Variants in RMDN3 observed in about 807,000 individuals in gnomAD.
RMDN3 encodes the protein regulator of microtubule dynamics protein 3.
Under a neutral mutation model 61.8 loss-of-function variants are expected in RMDN3, and 41 were observed. The ratio of observed to expected loss-of-function variants is 0.66; its 90% CI spans 0.52 to 0.86. The LOEUF (loss-of-function observed/expected upper bound fraction) is 0.86. Among genes scored for constraint, RMDN3 ranks in the 40% least tolerant of loss-of-function variants. The pLI, the probability that RMDN3 is intolerant of heterozygous loss-of-function variation, is 0.00. For synonymous variants in RMDN3, 247 were observed against 232.0 expected, an observed-to-expected ratio of 1.06 and a Z score of -0.59; for missense variants, 557 against 585.3, an observed-to-expected ratio of 0.95 and a Z score of 0.50.
intron 1 of RMDN3, 118 bp downstream of exon 1, chr15:40,754,965 T>G (rs1897984740): frequency 1.7e-6 from 1 of 581,394 alleles, no homozygotes; most frequent in African/African-American, 1.9e-5. Context: ...CCCTAAGGCT[T>G]CCTCCAGCCT....
At chr15:40,742,592 C>T (rs541816855) in intron 6 of RMDN3, among the ~76,000 whole-genome samples, 1 of 152,294 alleles carries the variant, frequency 6.6e-6, no homozygotes, top group African/African-American at 2.4e-5. Flanking sequence ...AACTTTATAC[C>T]CAGTAAGGAT....
chr15:40,750,518 C>T (rs1414368661), intron 4 of RMDN3, among the ~76,000 whole-genome samples: 2 of 152,034 alleles, frequency 1.3e-5, no homozygotes, highest in Non-Finnish European at 1.5e-5. Context: ...GTCTTGCTGC[C>T]TTGTCCAGGA....
In RMDN3 at chr15:40,738,524, T is replaced by C; in HGVS notation, c.1024A>G (p.Ile342Val). ...ACCTTGAAGCTAAAGCCACTCTGGA[T>C]GCGCCTCTGGATGCTCTCATGCTCA... ...LAEHESIQRR[I>V]QSGFSFKEHV... Residue 342 changes from isoleucine to valine, a missense_variant, in exon 8 of 13, where the codon ATC (isoleucine) becomes GTC (valine). Coordinates refer to ENST00000338376, the MANE Select transcript of RMDN3 (RefSeq NM_018145.3). 6.2e-7 allele frequency: 1 copy of C among 1,614,128 alleles called. No homozygotes were observed.
intron 7 of RMDN3, chr15:40,738,920 A>C: frequency 3.8e-6 from 1 of 260,510 alleles, no homozygotes; most frequent in Non-Finnish European, 7.4e-6. Context: ...CATGAAAACA[A>C]TCAGCATAAA....
chr15:40,748,610 A>AT (rs1157570452), intron 4 of RMDN3, among the ~76,000 whole-genome samples: 1 of 152,016 alleles, frequency 6.6e-6, no homozygotes, highest in Admixed American at 6.6e-5. Context: ...GTACTTCTTT[A>AT]TTTTTTTGGG....
chr15:40,737,819 G>A (rs1213760965), intron 9 of RMDN3, 93 bp from the exon 10 acceptor site: 9 of 1,483,544 alleles, frequency 6.1e-6, no homozygotes, highest in Non-Finnish European at 8.4e-6. Context: ...GGTCAAACGG[G>A]GCTGGGTCGA....
intron 4 of RMDN3, 50 bp downstream of exon 4, chr15:40,751,376 A>G (rs1394116627): frequency 6.3e-7 from 1 of 1,588,894 alleles, no homozygotes; most frequent in Non-Finnish European, 8.6e-7. Flanking sequence ...ATACTTTTAC[A>G]AAACACAACC....
At chr15:40,743,790 CAT>C (rs1897374804) in intron 6 of RMDN3, among the ~76,000 whole-genome samples, 1 of 152,214 alleles carries the variant, frequency 6.6e-6, no homozygotes. Flanking sequence ...AAACGAATAA[CAT>C]TGATAGGATA....
In RMDN3 at chr15:40,744,115, G is replaced by A. The variant is rs201829056; in HGVS notation, c.842C>T (p.Ala281Val). 6.2e-7 allele frequency: 1 copy of A among 1,613,566 alleles called. No individual in the cohort carries two copies. The highest frequency in any genetic ancestry group is 2.2e-5 in the East Asian group (1 of 44,890). Reference protein sequence around the residue: ...GSRQDFLWRLARAYSDMCELT... With the variant: ...GSRQDFLWRLVRAYSDMCELT... Reference sequence around the variant, plus strand: ...CTCACACATGTCACTGTAGGCTCGGGCCAGGCGCCAGAGAAAGTCCTGCCG... The same window carrying A: ...CTCACACATGTCACTGTAGGCTCGGACCAGGCGCCAGAGAAAGTCCTGCCG... Residue 281 changes from alanine to valine, a missense_variant, in exon 6 of 13, where the codon GCC (alanine) becomes GTC (valine). Ala to Val is a moderately conservative substitution (Grantham distance 64). Coordinates refer to ENST00000338376, the MANE Select transcript of RMDN3 (RefSeq NM_018145.3).
chr15:40,737,616 C>T lies in RMDN3; in HGVS notation c.1224+12G>A, dbSNP rs1281825046. 1.2e-6 allele frequency: 2 copies of T among 1,607,430 alleles called. No individual in the cohort carries two copies. Among genetic ancestry groups the T allele is most frequent in the East Asian group, 2.2e-5 (1 of 44,864 alleles). On this transcript the variant is annotated intron_variant, in intron 10 of 12. Transcript: ENST00000338376. ...CCCTGGTGTTTTTGCCTGCCACCTG[C>T]CCCTCTCATACCTTTAGGAAGCTCT...
At chr15:40,746,339 C>T (rs997356499) in intron 4 of RMDN3, among the ~76,000 whole-genome samples, 2 of 151,892 alleles carry the variant, frequency 1.3e-5, no homozygotes, top group East Asian at 1.9e-4. Context: ...CACGGTGAAA[C>T]CCTGTCTCTA....
chr15:40,736,496 C>A lies in RMDN3; in HGVS notation c.*45G>T, dbSNP rs372357790. 38 of 1,585,226 alleles carry A rather than the reference C, an allele frequency of 2.4e-5. No homozygotes were observed. The highest frequency in any genetic ancestry group is 6.7e-5 in the African/African-American group (5 of 74,124). ...AAGGAAAAAAGCCTCCCCGCCCCCC[C>A]ACCTTAAATAGTGGCATCAAGTCAT... is the stretch of plus-strand genomic sequence containing the variant. On this transcript the variant is annotated 3_prime_UTR_variant, in exon 13 of 13. Transcript: ENST00000338376.
intron 7 of RMDN3, 166 bp from the exon 8 acceptor site, chr15:40,738,742 T>C (rs1238155046): frequency 1.6e-6 from 1 of 643,206 alleles, no homozygotes; most frequent in African/African-American, 1.8e-5. Context: ...TTTACGGACC[T>C]CTGGCCCCAA....
In RMDN3 at chr15:40,745,136, C is replaced by T; in HGVS notation, c.648G>A (p.Glu216=). The change falls in exon 5 of 13, where the codon GAG becomes GAA. Residue 216 remains glutamate (E), a synonymous_variant. Coordinates refer to ENST00000338376, the MANE Select transcript of RMDN3 (RefSeq NM_018145.3). ...KMGRKDSLDL[E]EEAASGASSA... is the part of the protein sequence containing the mutation. ...TGGAGGCACCTGAAGCTGCCTCTTC[C>T]TCCAAGTCAAGAGAATCCTTTCTCC... 1 of 1,614,182 alleles carries T rather than the reference C, an allele frequency of 6.2e-7. No individual in the cohort carries two copies. Among genetic ancestry groups the T allele is most frequent in the Non-Finnish European group, 8.5e-7 (1 of 1,180,036 alleles).
chr15:40,751,761 GGCAA>G (rs1360611218), intron 3 of RMDN3, 192 bp from the exon 4 acceptor site: 1 of 885,976 alleles, frequency 1.1e-6, no homozygotes, highest in African/African-American at 1.7e-5. Flanking sequence ...GACTAGGTTA[GGCAA>G]ACAGAGCGCT....
intron 3 of RMDN3, 85 bp from the exon 4 acceptor site, chr15:40,751,654 T>TG: frequency 1.3e-6 from 2 of 1,568,198 alleles, no homozygotes; most frequent in Non-Finnish European, 1.7e-6. Flanking sequence ...CTCTTACTAC[T>TG]GCTCCTCATT....
At chr15:40,737,782 A>G in intron 9 of RMDN3, 56 bp from the exon 10 acceptor site, 3 of 1,565,480 alleles carry the variant, frequency 1.9e-6, no homozygotes, top group South Asian at 1.1e-5. Context: ...TTTTTTCTTT[A>G]AATCTTTGGG....
chr15:40,743,202 G>T (rs1470327135), intron 6 of RMDN3, among the ~76,000 whole-genome samples: 6 of 152,122 alleles, frequency 3.9e-5, no homozygotes, highest in Admixed American at 3.9e-4. Flanking sequence ...GGGTGAATCA[G>T]TTGAGGCCAG....
At chr15:40,754,471 T>C in intron 2 of RMDN3, 126 bp downstream of exon 2, 1 of 994,412 alleles carries the variant, frequency 1.0e-6, no homozygotes, top group Non-Finnish European at 1.4e-6. Flanking sequence ...TTCAACAAGC[T>C]TCCAAAAAAG....
Sources: allele counts gnomAD v4.1 joint callset (sites outside exome capture counted in the v4.1 genomes callset), GRCh38; gene constraint gnomAD v4.1.1; transcripts MANE v1.5; gene names NCBI Gene and HGNC (gene_info 2026-07-23, HGNC 2026-07-21).